AHCTF1: variants seen among roughly 807,000 people sequenced by gnomAD.
The protein encoded by AHCTF1 is AT-hook containing transcription factor 1, also known as protein ELYS.
In AHCTF1, 24 loss-of-function variants were observed where a neutral mutation model predicts 248.4. The ratio of observed to expected loss-of-function variants is 0.10; its 90% CI spans 0.07 to 0.14. AHCTF1 has a LOEUF of 0.14. Ranked by LOEUF, AHCTF1 falls within the 10% of genes least tolerant of loss-of-function variation. The pLI is 1.00. For synonymous variants in AHCTF1, 786 were observed against 929.8 expected (o/e 0.85, Z 2.81); for missense variants, 2,206 against 2,636.2 (o/e 0.84, Z 3.57).
At position 246,913,422 on chromosome 1, in the gene AHCTF1, A is replaced by G. The variant is rs757864826; in HGVS notation, c.376-10T>C. 2 of 1,590,860 alleles carry G rather than the reference A, an allele frequency of 1.3e-6. No individual in the cohort carries two copies. Among genetic ancestry groups the G allele is most frequent in the East Asian group, 4.5e-5 (2 of 44,484 alleles). On this transcript the variant is annotated splice_polypyrimidine_tract_variant and intron_variant, in intron 3 of 35. Coordinates refer to ENST00000648844, the MANE Select transcript of AHCTF1 (RefSeq NM_001323342.2). Reference sequence around the variant, plus strand: ...GTTCAATAGCTGTTACCTAGAAAACATAATACGTGATTTGCTTTTCTTCTG... The same window carrying G: ...GTTCAATAGCTGTTACCTAGAAAACGTAATACGTGATTTGCTTTTCTTCTG...
intron 24 of AHCTF1, 92 bp downstream of exon 24, chr1:246,875,945 A>C: frequency 8.0e-7 from 1 of 1,253,042 alleles, no homozygotes; most frequent in Non-Finnish European, 1.1e-6. Context: ...GTGTTAGCGA[A>C]AGTAGCTAAA....
At position 246,839,194 on chromosome 1, in the gene AHCTF1, G is replaced by C. The variant is rs949757590; in HGVS notation, c.*1612C>G. The C allele has an allele frequency of 6.6e-6, 1 of 152,126 alleles. No individual in the cohort carries two copies. Among genetic ancestry groups the C allele is most frequent in the African/African-American group, 2.4e-5 (1 of 41,430 alleles). 9.4% of individuals were successfully genotyped at this position (152,126 alleles called of 1,614,324 possible). On this transcript the variant is annotated 3_prime_UTR_variant, in exon 36 of 36. Coordinates refer to ENST00000648844, the MANE Select transcript of AHCTF1 (RefSeq NM_001323342.2). The stretch of plus-strand genomic sequence containing the variant: ...TATATGTAAAGTTCATTTAGAACAG[G>C]CAATTTGTTTGCTTATGATCTACAT...
At chr1:246,908,198 A>C (rs1665531095) in intron 4 of AHCTF1, among the ~76,000 whole-genome samples, 1 of 152,112 alleles carries the variant, frequency 6.6e-6, no homozygotes. Context: ...ATCACAGATG[A>C]AAGGGAATGT....
intron 28 of AHCTF1, 66 bp from the exon 29 acceptor site, chr1:246,861,361 AC>A: frequency 7.3e-7 from 1 of 1,362,392 alleles, no homozygotes; most frequent in Middle Eastern, 2.5e-4. Flanking sequence ...GTCCTAAGCT[AC>A]CCATCCCAAT....
rs770031454 is a variant in AHCTF1 at position 246,894,722 on chromosome 1, G to A, written c.1741C>T (p.Arg581Cys). ...EEQPNSATNL[R>C]FVLEWTWNKV... ...TTCCACGTCCATTCAAGAACAAAGCGCAAATTAGTGGCAGAATTTGGTTGT... is the reference window on the plus strand; with the variant it reads ...TTCCACGTCCATTCAAGAACAAAGCACAAATTAGTGGCAGAATTTGGTTGT... Residue 581 changes from arginine (R) to cysteine (C), a missense_variant, in exon 14 of 36, where the codon CGC becomes TGC. Physicochemically the swap from Arg to Cys is radical, Grantham distance 180. This residue lies in a region of AHCTF1 where 650 missense variants were observed against 870.8 expected (regional missense o/e 0.75). Transcript: ENST00000648844. 1.9e-6 allele frequency: 3 copies of A among 1,613,720 alleles called. No homozygotes were observed. The highest frequency in any genetic ancestry group is 2.5e-6 in the Non-Finnish European group (3 of 1,179,834).
chr1:246,851,486 C>G, intron 32 of AHCTF1, 44 bp from the exon 33 acceptor site: 1 of 1,514,650 alleles, frequency 6.6e-7, no homozygotes. Context: ...AATTTTAATA[C>G]ATGTTTTAAC....
intron 27 of AHCTF1, among the ~76,000 whole-genome samples, 181 bp downstream of exon 27, chr1:246,863,743 C>T (rs1661744617): frequency 6.6e-6 from 1 of 152,096 alleles, no homozygotes; most frequent in Non-Finnish European, 1.5e-5. Flanking sequence ...TAACTTTAAG[C>T]AGGAAGGGAT....
At chr1:246,915,225 G>A (rs1666061941) in intron 3 of AHCTF1, among the ~76,000 whole-genome samples, 1 of 152,152 alleles carries the variant, frequency 6.6e-6, no homozygotes, top group African/African-American at 2.4e-5. Context: ...AGCTACTCAG[G>A]AGGCTAAGGC....
chr1:246,894,520 C>T (rs946028746), intron 14 of AHCTF1, 139 bp downstream of exon 14: 5 of 700,412 alleles, frequency 7.1e-6, no homozygotes, highest in Admixed American at 5.9e-5. Context: ...TATAGCCTGG[C>T]GACAGAGCAA....
At position 246,898,224 on chromosome 1, in the gene AHCTF1, G is replaced by A; in HGVS notation, c.1607C>T (p.Pro536Leu). Reference protein sequence around the residue: ...LLSPRFVDVQPSSLSQEEQLE... With the variant: ...LLSPRFVDVQLSSLSQEEQLE... ...TCATCTCACTTGGCTTAAACTGGAA[G>A]GCTGAACATCAACAAATCTTGGGGA... Residue 536 changes from proline (P) to leucine (L), a missense_variant, in exon 12 of 36, where the codon CCT becomes CTT. Physicochemically the swap from Pro to Leu is moderately conservative, Grantham distance 98 (BLOSUM62 -3). This residue lies in a region of AHCTF1 where 650 missense variants were observed against 870.8 expected (regional missense o/e 0.75). Transcript: ENST00000648844. 6.2e-7 allele frequency: 1 copy of A among 1,612,156 alleles called. No homozygotes were observed. The highest frequency in any genetic ancestry group is 1.7e-5 in the Admixed American group (1 of 60,008).
Position 246,876,042 on chromosome 1 carries a change from C to G in AHCTF1, c.3083G>C (p.Arg1028Pro). 6.3e-7 allele frequency: 1 copy of G among 1,588,038 alleles called. No homozygotes were observed. The highest frequency in any genetic ancestry group is 1.8e-5 in the Admixed American group (1 of 56,254). ...PYHLSTSSVF[R>P]LVSRPKPLSA... ...TTCTTCAATGAAATTCTTACCTAAT[C>G]GAAAAACTGATGATGTTGACAGATG... Residue 1028 changes from arginine (R) to proline (P), a missense_variant, in exon 24 of 36, where the codon CGA becomes CCA. Physicochemically the swap from Arg to Pro is moderately radical, Grantham distance 103. Coordinates refer to ENST00000648844, the MANE Select transcript of AHCTF1 (RefSeq NM_001323342.2).
At chr1:246,885,065 CCCCT>C (rs1453310133) in intron 21 of AHCTF1, among the ~76,000 whole-genome samples, 2 of 152,178 alleles carry the variant, frequency 1.3e-5, no homozygotes, top group African/African-American at 4.8e-5. Context: ...CAATTTGGCG[CCCCT>C]CCCTTTTATT....
At chr1:246,855,597 C>T in intron 31 of AHCTF1, 133 bp downstream of exon 31, 1 of 670,626 alleles carries the variant, frequency 1.5e-6, no homozygotes, top group Non-Finnish European at 2.5e-6. Context: ...ACCAGGAAAG[C>T]TGACCAGAGA....
intron 32 of AHCTF1, among the ~76,000 whole-genome samples, 158 bp from the exon 33 acceptor site, chr1:246,851,600 C>A (rs1660725349): frequency 6.6e-6 from 1 of 152,152 alleles, no homozygotes; most frequent in Non-Finnish European, 1.5e-5. Context: ...AAAATTATCC[C>A]TTTAAGCAAT....
At chr1:246,864,886 A>AAAAAAAAAAAAAAAC (rs1661850630) in intron 26 of AHCTF1, among the ~76,000 whole-genome samples, 1 of 22,720 alleles carries the variant, frequency 4.4e-5, no homozygotes, top group Non-Finnish European at 6.3e-5. Flanking sequence ...AAAAAAAAAA[A>AAAAAAAAAAAAAAAC]AAAGACTAGA....
intron 33 of AHCTF1, among the ~76,000 whole-genome samples, chr1:246,847,308 A>C (rs201781867): frequency 0.19 from 28,168 of 150,406 alleles, 3,109 homozygotes; most frequent in Admixed American, 0.27. Flanking sequence ...AAAACAAACA[A>C]AAAAAAAACT....
intron 14 of AHCTF1, among the ~76,000 whole-genome samples, 162 bp downstream of exon 14, chr1:246,894,497 C>T (rs979828345): frequency 1.3e-5 from 2 of 152,060 alleles, no homozygotes; most frequent in African/African-American, 2.4e-5. Flanking sequence ...GAGCCAAGAT[C>T]GCGCCACTGC....
intron 29 of AHCTF1, among the ~76,000 whole-genome samples, chr1:246,858,020 C>T (rs1159527573): frequency 6.7e-6 from 1 of 148,404 alleles, no homozygotes; most frequent in African/African-American, 2.5e-5. Flanking sequence ...AGTGCAGTGG[C>T]GCTATCTTGG....
intron 21 of AHCTF1, among the ~76,000 whole-genome samples, chr1:246,884,060 A>G (rs1230628237): frequency 2.6e-5 from 4 of 152,158 alleles, no homozygotes; most frequent in African/African-American, 4.8e-5. Flanking sequence ...TGAGAGGTAC[A>G]TGCAAATGAA....
Sources: allele counts gnomAD v4.1 joint callset (sites outside exome capture counted in the v4.1 genomes callset), GRCh38; gene constraint gnomAD v4.1.1; regional missense constraint gnomAD v4.1.1; transcripts MANE v1.5; gene names NCBI Gene and HGNC (gene_info 2026-07-23, HGNC 2026-07-21).